Variants in NLGN1 observed in about 807,000 individuals in gnomAD.
NLGN1 encodes the protein neuroligin-1.
In NLGN1, 12 loss-of-function variants were observed where a neutral mutation model predicts 65.5. The observed-to-expected ratio is 0.18, with a 90% CI of 0.12 to 0.30. The LOEUF (loss-of-function observed/expected upper bound fraction) is 0.30. NLGN1 is among the 10% of genes least tolerant of loss of function. The probability of loss-of-function intolerance (pLI) is 1.00; values close to 1 mark genes in which losing one functional copy is unlikely to be tolerated. For synonymous variants in NLGN1, 350 were observed against 359.5 expected (o/e 0.97, Z 0.30); for missense variants, 750 against 1,007.1 (o/e 0.74, Z 3.46).
At chr3:173,831,411 C>T (rs1404020390) in intron 4 of NLGN1, among the ~76,000 whole-genome samples, 1 of 152,132 alleles carries the variant, frequency 6.6e-6, no homozygotes, top group Non-Finnish European at 1.5e-5. Context: ...TGCTACAAGG[C>T]ATAATAAAGT....
chr3:173,529,500 G>T (rs1736192295), intron 2 of NLGN1, among the ~76,000 whole-genome samples: 1 of 152,204 alleles, frequency 6.6e-6, no homozygotes, highest in Non-Finnish European at 1.5e-5. Flanking sequence ...TAAATGCACT[G>T]AGATCTTTGC....
At chr3:173,789,586 T>C (rs902781818) in intron 3 of NLGN1, among the ~76,000 whole-genome samples, 3 of 152,216 alleles carry the variant, frequency 2.0e-5, no homozygotes, top group Non-Finnish European at 4.4e-5. Flanking sequence ...ACCTAAAATG[T>C]AAGAGGCAGA....
chr3:173,821,606 C>T (rs1370560805), intron 4 of NLGN1, among the ~76,000 whole-genome samples: 1 of 152,038 alleles, frequency 6.6e-6, no homozygotes, highest in Non-Finnish European at 1.5e-5. Flanking sequence ...ATATTTGGCT[C>T]TTCTGTTTTA....
chr3:174,253,372 T>C (rs1227745560), intron 4 of NLGN1, among the ~76,000 whole-genome samples: 1 of 152,210 alleles, frequency 6.6e-6, no homozygotes, highest in African/African-American at 2.4e-5. Context: ...CCTCTCGGGT[T>C]TGATTGTGCT....
At chr3:173,401,693 CAAGAA>C (rs779124556) in intron 1 of NLGN1, among the ~76,000 whole-genome samples, 26 of 152,116 alleles carry the variant, frequency 1.7e-4, no homozygotes, top group Non-Finnish European at 3.1e-4. Context: ...TCAGAATCTA[CAAGAA>C]AAGAAGGGGA....
intron 4 of NLGN1, among the ~76,000 whole-genome samples, chr3:174,003,215 C>T (rs1461903993): frequency 6.6e-6 from 1 of 152,146 alleles, no homozygotes; most frequent in East Asian, 1.9e-4. Flanking sequence ...GGGCTATGGA[C>T]TTGCAAGAAA....
intron 2 of NLGN1, among the ~76,000 whole-genome samples, chr3:173,450,421 T>C (rs545941981): frequency 1.3e-4 from 20 of 152,346 alleles, no homozygotes; most frequent in African/African-American, 3.8e-4. Flanking sequence ...GAGTTTCTGC[T>C]GAGAGATCAG....
At chr3:174,056,143 A>G (rs1328758857) in intron 4 of NLGN1, among the ~76,000 whole-genome samples, 2 of 152,044 alleles carry the variant, frequency 1.3e-5, no homozygotes, top group African/African-American at 2.4e-5. Context: ...TAACTTGTCC[A>G]AGGGAATCTG....
intron 4 of NLGN1, among the ~76,000 whole-genome samples, chr3:174,042,200 C>G (rs1377539863): frequency 6.6e-6 from 1 of 152,102 alleles, no homozygotes; most frequent in African/African-American, 2.4e-5. Context: ...TCAATGGTGT[C>G]TTTTGATGAG....
intron 4 of NLGN1, among the ~76,000 whole-genome samples, chr3:173,862,523 A>G (rs1560514460): frequency 2.7e-5 from 4 of 150,018 alleles, no homozygotes; most frequent in South Asian, 4.2e-4. Flanking sequence ...AAAAAAAAAA[A>G]AAAAAAAGAA....
intron 4 of NLGN1, among the ~76,000 whole-genome samples, chr3:173,918,743 C>A (rs1208426980): frequency 7.4e-6 from 1 of 135,106 alleles, no homozygotes; most frequent in East Asian, 2.3e-4. Flanking sequence ...TCTTCTAGTC[C>A]ATTTATTGCC....
At chr3:174,244,394 T>G (rs1743421092) in intron 4 of NLGN1, among the ~76,000 whole-genome samples, 2 of 152,174 alleles carry the variant, frequency 1.3e-5, no homozygotes, top group African/African-American at 4.8e-5. Context: ...AAACAGTAAT[T>G]AAGAATCTTT....
intron 4 of NLGN1, among the ~76,000 whole-genome samples, chr3:173,978,293 G>C (rs1301907625): frequency 6.6e-6 from 1 of 152,008 alleles, no homozygotes; most frequent in African/African-American, 2.4e-5. Context: ...TAGGAGATAA[G>C]TAATTATGTA....
chr3:173,672,211 G>A (rs548394536), intron 3 of NLGN1, among the ~76,000 whole-genome samples: 2 of 152,192 alleles, frequency 1.3e-5, no homozygotes, highest in African/African-American at 4.8e-5. Context: ...AATAAAGAAA[G>A]GAATAGTTTA....
chr3:173,610,453 T>G, intron 3 of NLGN1, among the ~76,000 whole-genome samples: 1 of 151,954 alleles, frequency 6.6e-6, no homozygotes, highest in East Asian at 1.9e-4. Context: ...TGTAGAGATA[T>G]AAATTTGGCA....
intron 4 of NLGN1, among the ~76,000 whole-genome samples, chr3:173,835,947 C>T (rs9828860): frequency 0.73 from 111,099 of 152,092 alleles, 40,990 homozygotes; most frequent in African/African-American, 0.79. Flanking sequence ...TCCTCACAAC[C>T]GCACTGTAAG....
intron 3 of NLGN1, among the ~76,000 whole-genome samples, chr3:173,667,863 C>CCT (rs945365229): frequency 4.1e-4 from 62 of 152,264 alleles, no homozygotes; most frequent in African/African-American, 1.5e-3. Flanking sequence ...GAACTCCTGA[C>CCT]CTCATGATCC....
intron 3 of NLGN1, among the ~76,000 whole-genome samples, chr3:173,761,951 A>G (rs1778026084): frequency 6.6e-6 from 1 of 152,118 alleles, no homozygotes; most frequent in Non-Finnish European, 1.5e-5. Context: ...TCTCAGAGAG[A>G]CAAAGCAAAG....
rs116496253 is a variant in NLGN1, at chr3:173,656,426, A to G, written c.493+51335A>G. Among the ~76,000 whole-genome samples the G allele has an allele frequency of 6.6e-3, 1,003 of 152,180 alleles. 14 individuals carry two copies. The highest frequency in any genetic ancestry group is 0.023 in the African/African-American group (957 of 41,536). Reference sequence around the variant, plus strand: ...ATACTCTCTACAGAGCTTTTGCAAAACATACAGAGATGTCTCTCATATCCC... The same window carrying G: ...ATACTCTCTACAGAGCTTTTGCAAAGCATACAGAGATGTCTCTCATATCCC... On this transcript the variant is annotated intron_variant, in intron 3 of 6. Coordinates refer to ENST00000457714, the Ensembl canonical transcript of NLGN1.
Sources: allele counts gnomAD v4.1 joint callset (sites outside exome capture counted in the v4.1 genomes callset), GRCh38; gene constraint gnomAD v4.1.1; transcripts MANE v1.5; gene names NCBI Gene and HGNC (gene_info 2026-07-23, HGNC 2026-07-21).